The following FHIT variants were observed in gnomAD, a reference collection of about 807,000 sequenced individuals.
FHIT encodes bis(5'-adenosyl)-triphosphatase.
A neutral mutation model predicts 17.9 loss-of-function variants in FHIT; 19 were observed. That is an observed-to-expected ratio of 1.06 (90% confidence interval 0.74 to 1.56). The LOEUF is 1.56. Ranked by LOEUF, FHIT falls within the 40% of genes most tolerant of loss-of-function variation. FHIT has a pLI of 0.00. For missense variants in FHIT, 248 were observed against 189.2 expected (o/e 1.31, Z -1.82); for synonymous variants, 81 against 69.7 (o/e 1.16, Z -0.81).
rs1575778439 is a variant in FHIT, at chr3:60,973,164, A to C, written c.-111+68883T>G. On this transcript the variant is annotated intron_variant, in intron 3 of 9. Transcript: ENST00000492590. ...AATTGTACAAGTTTTGAATGATGTT[A>C]TCTTTCTCCAAAGATGATTTGATTT... is the stretch of plus-strand genomic sequence containing the variant. 1.3e-5 allele frequency among the ~76,000 whole-genome samples: 2 copies of C among 152,282 alleles called. 1 individual carries two copies. The highest frequency in any genetic ancestry group is 4.1e-4 in the South Asian group (2 of 4,826).
intron 4 of FHIT, among the ~76,000 whole-genome samples, chr3:60,761,286 T>C (rs1260547754): frequency 1.3e-5 from 2 of 152,162 alleles, no homozygotes; most frequent in African/African-American, 2.4e-5. Flanking sequence ...CAAGATAACA[T>C]AGAGACAGAA....
At chr3:60,576,949 T>TACACATACACACACAC (rs1553657817) in intron 4 of FHIT, among the ~76,000 whole-genome samples, 1 of 146,746 alleles carries the variant, frequency 6.8e-6, no homozygotes, top group Non-Finnish European at 1.5e-5. Context: ...TCCATTTGCA[T>TACACATACACACACAC]ACACACACAC....
chr3:59,751,899 G>A (rs1225808379), intron 9 of FHIT: 4 of 281,854 alleles, frequency 1.4e-5, no homozygotes, highest in African/African-American at 2.1e-5. Context: ...TAAACAAGAA[G>A]TTGTGCATGA....
At chr3:59,754,019 T>A (rs561920832) in intron 8 of FHIT, among the ~76,000 whole-genome samples, 148 of 152,292 alleles carry the variant, frequency 9.7e-4, no homozygotes, top group Non-Finnish European at 1.6e-3. Context: ...GCAAAAAGTC[T>A]ATCAACTAAT....
intron 5 of FHIT, among the ~76,000 whole-genome samples, chr3:60,113,341 A>C (rs949603369): frequency 2.6e-5 from 4 of 152,084 alleles, no homozygotes; most frequent in Non-Finnish European, 5.9e-5. Context: ...TGTACTACAG[A>C]AACCTTACCA....
intron 3 of FHIT, among the ~76,000 whole-genome samples, chr3:60,997,544 G>A (rs981005294): frequency 1.3e-5 from 2 of 152,190 alleles, no homozygotes; most frequent in South Asian, 4.2e-4. Flanking sequence ...AGTCATCTCT[G>A]GATCAAAACT....
At chr3:60,470,314 G>A (rs1235001691) in intron 5 of FHIT, among the ~76,000 whole-genome samples, 2 of 152,062 alleles carry the variant, frequency 1.3e-5, no homozygotes, top group Non-Finnish European at 2.9e-5. Context: ...AGTTCTCTCT[G>A]GCTCTGGTCA....
chr3:60,635,779 G>A (rs564012891), intron 4 of FHIT, among the ~76,000 whole-genome samples: 3 of 152,062 alleles, frequency 2.0e-5, no homozygotes, highest in Non-Finnish European at 4.4e-5. Flanking sequence ...AGCAGCCTCG[G>A]GATAAATGTC....
intron 5 of FHIT, among the ~76,000 whole-genome samples, chr3:60,173,915 A>ATATTTT: frequency 1.5e-5 from 1 of 66,442 alleles, no homozygotes; most frequent in Non-Finnish European, 2.8e-5. Context: ...ATATATATAT[A>ATATTTT]TGTTTTTTTT....
intron 5 of FHIT, among the ~76,000 whole-genome samples, chr3:60,174,490 CCTTT>C (rs1345354264): frequency 1.3e-5 from 2 of 152,058 alleles, no homozygotes; most frequent in Admixed American, 6.6e-5. Context: ...ACACTGTTGG[CCTTT>C]CTAACTGGAA....
chr3:61,207,647 T>C (rs1450331274), intron 1 of FHIT, among the ~76,000 whole-genome samples: 2 of 152,250 alleles, frequency 1.3e-5, no homozygotes, highest in Non-Finnish European at 2.9e-5. Context: ...TTTGTATTTC[T>C]GTGGGATCGG....
chr3:60,272,049 C>A (rs1220448976), intron 5 of FHIT, among the ~76,000 whole-genome samples: 2 of 151,770 alleles, frequency 1.3e-5, no homozygotes, highest in Admixed American at 6.6e-5. Flanking sequence ...ACAGAGGCAG[C>A]CTGGTTCCAG....
intron 4 of FHIT, among the ~76,000 whole-genome samples, chr3:60,643,697 T>G (rs1402658383): frequency 6.6e-6 from 1 of 152,196 alleles, no homozygotes; most frequent in African/African-American, 2.4e-5. Context: ...CACCTTAGGG[T>G]TGCAGTATAC....
At chr3:59,956,315 C>A (rs977833106) in intron 7 of FHIT, among the ~76,000 whole-genome samples, 4 of 151,988 alleles carry the variant, frequency 2.6e-5, no homozygotes, top group African/African-American at 9.7e-5. Flanking sequence ...AGGAGGATCA[C>A]CTGAGCCCAG....
At chr3:60,505,508 C>A (rs1250542902) in intron 5 of FHIT, among the ~76,000 whole-genome samples, 1 of 152,168 alleles carries the variant, frequency 6.6e-6, no homozygotes, top group Non-Finnish European at 1.5e-5. Flanking sequence ...GACAAAGTTA[C>A]AGAAATATTT....
At chr3:61,024,225 G>A (rs1330223992) in intron 3 of FHIT, among the ~76,000 whole-genome samples, 1 of 152,060 alleles carries the variant, frequency 6.6e-6, no homozygotes, top group African/African-American at 2.4e-5. Flanking sequence ...TAGTGAGGGG[G>A]AAAAGGAGGG....
chr3:60,119,137 A>T (rs1201056807), intron 5 of FHIT, among the ~76,000 whole-genome samples: 1 of 151,930 alleles, frequency 6.6e-6, no homozygotes, highest in Non-Finnish European at 1.5e-5. Context: ...GCAATGGCAC[A>T]ATCTCAGCTC....
intron 4 of FHIT, among the ~76,000 whole-genome samples, chr3:60,759,136 AG>A (rs1298252324): frequency 3.9e-5 from 6 of 152,122 alleles, no homozygotes; most frequent in African/African-American, 1.4e-4. Context: ...GGCAGGGACA[AG>A]ATGAATAGCC....
chr3:60,875,908 A>G (rs1282552858), intron 3 of FHIT, among the ~76,000 whole-genome samples: 4 of 146,614 alleles, frequency 2.7e-5, no homozygotes, highest in Non-Finnish European at 6.0e-5. Flanking sequence ...ATTTTTAGCT[A>G]AGGAAAACTT....
Sources: allele counts gnomAD v4.1 joint callset (sites outside exome capture counted in the v4.1 genomes callset), GRCh38; gene constraint gnomAD v4.1.1; transcripts MANE v1.5; gene names NCBI Gene and HGNC (gene_info 2026-07-23, HGNC 2026-07-21).